The following PROS1 variants were observed in gnomAD, a reference collection of about 807,000 sequenced individuals.
PROS1 encodes protein S.
In PROS1, 29 loss-of-function variants were observed where a neutral mutation model predicts 75.9. The ratio of observed to expected loss-of-function variants is 0.38; its 90% CI spans 0.28 to 0.52. PROS1 has a LOEUF of 0.52. Among genes scored for constraint, PROS1 ranks in the 20% least tolerant of loss-of-function variants. PROS1 has a pLI of 0.83. For synonymous variants in PROS1, 245 were observed against 280.6 expected (o/e 0.87, Z 1.27); for missense variants, 680 against 810.3 (o/e 0.84, Z 1.95).
chr3:93,910,871 T>A (rs1280412696), intron 3 of PROS1, 166 bp from the exon 4 acceptor site: 8 of 638,896 alleles, frequency 1.3e-5, no homozygotes, highest in Non-Finnish European at 2.2e-5. Context: ...TTCTGAAAAA[T>A]TAAAAATCTA....
chr3:93,927,871 A>ATGTGTG (rs1175288524), intron 1 of PROS1, among the ~76,000 whole-genome samples: 4 of 133,134 alleles, frequency 3.0e-5, no homozygotes, highest in African/African-American at 1.2e-4. Context: ...ATATATATAT[A>ATGTGTG]TATGTGTGTA....
chr3:93,961,198 G>A (rs1385861775), intron 1 of PROS1, among the ~76,000 whole-genome samples: 1 of 152,134 alleles, frequency 6.6e-6, no homozygotes. Flanking sequence ...CATGTGAAAA[G>A]GCCATAGGGG....
intron 4 of PROS1, among the ~76,000 whole-genome samples, chr3:93,910,171 G>T (rs1236093086): frequency 6.6e-6 from 1 of 152,044 alleles, no homozygotes; most frequent in Non-Finnish European, 1.5e-5. Flanking sequence ...TTATCATTAG[G>T]CCCCTTGTGA....
chr3:93,936,160 A>G (rs1246925063), intron 1 of PROS1, among the ~76,000 whole-genome samples: 3 of 151,560 alleles, frequency 2.0e-5, no homozygotes, highest in Non-Finnish European at 4.4e-5. Flanking sequence ...ATATTTGGAG[A>G]CAGGTCCTTT....
chr3:93,873,872 A>C lies in PROS1; in HGVS notation c.*373T>G, dbSNP rs1576170261. On this transcript the variant is annotated 3_prime_UTR_variant, in exon 15 of 15. Transcript: ENST00000394236. ...TGCCTATGATTAATAGTATTTAATT[A>C]CACGCACTTTTGTTTGAGTTTACTT... The C allele has an allele frequency of 4.0e-6, 1 of 247,400 alleles. No individual in the cohort carries two copies. Among genetic ancestry groups the C allele is most frequent in the East Asian group, 1.1e-4 (1 of 9,078 alleles). The allele number at this position is 247,400 out of a possible 1,614,324, so 15.3% of individuals were successfully genotyped here. A position where few individuals can be genotyped will look rare whatever the true frequency, so the allele number is the denominator to read the frequency against.
At chr3:93,899,350 C>A (rs1447715340) in intron 7 of PROS1, among the ~76,000 whole-genome samples, 2 of 151,912 alleles carry the variant, frequency 1.3e-5, no homozygotes, top group African/African-American at 4.8e-5. Context: ...TAAAACTCCA[C>A]AAGCTCATAA....
chr3:93,892,481 G>A (rs1402454971), intron 10 of PROS1, among the ~76,000 whole-genome samples: 19 of 151,286 alleles, frequency 1.3e-4, no homozygotes, highest in South Asian at 2.1e-4. Context: ...AAAATTAGCC[G>A]GGCATGGTGG....
In PROS1 at chr3:93,874,050, G is replaced by A; in HGVS notation, c.*195C>T. On this transcript the variant is annotated 3_prime_UTR_variant, in exon 15 of 15. Transcript: ENST00000394236. ...TTTTCACTATTCTTAGATAGCAAGAGAAGTAAGAATTTCTTTACTGTGATT... is the reference window on the plus strand; with the variant it reads ...TTTTCACTATTCTTAGATAGCAAGAAAAGTAAGAATTTCTTTACTGTGATT... 1 of 608,154 alleles carries A rather than the reference G, an allele frequency of 1.6e-6. No individual in the cohort carries two copies. 37.7% of individuals were successfully genotyped at this position (608,154 alleles called of 1,614,324 possible).
At chr3:93,905,021 C>T (rs948902948) in intron 6 of PROS1, among the ~76,000 whole-genome samples, 1 of 151,948 alleles carries the variant, frequency 6.6e-6, no homozygotes, top group Non-Finnish European at 1.5e-5. Context: ...AAATGAGGTG[C>T]CAGATGAAGG....
intron 1 of PROS1, among the ~76,000 whole-genome samples, chr3:93,954,698 A>G (rs1228210606): frequency 6.6e-6 from 1 of 152,242 alleles, no homozygotes; most frequent in Non-Finnish European, 1.5e-5. Flanking sequence ...ACCAAAAGCA[A>G]TGGCAACAAA....
At chr3:93,894,508 T>G (rs1286506283) in intron 9 of PROS1, among the ~76,000 whole-genome samples, 2 of 152,158 alleles carry the variant, frequency 1.3e-5, no homozygotes, top group Non-Finnish European at 2.9e-5. Context: ...CAGCAGTTGA[T>G]TCTATTATGG....
intron 10 of PROS1, 104 bp from the exon 11 acceptor site, chr3:93,886,607 T>C (rs1236847245): frequency 3.1e-5 from 26 of 847,476 alleles, no homozygotes; most frequent in Non-Finnish European, 4.8e-5. Context: ...AATACTTCTG[T>C]AAAGTAATCA....
chr3:93,962,837 T>C (rs1291581418), intron 1 of PROS1, among the ~76,000 whole-genome samples: 1 of 152,222 alleles, frequency 6.6e-6, no homozygotes, highest in Non-Finnish European at 1.5e-5. Context: ...TGAGTGTCCA[T>C]CACTAAGGTA....
At position 93,873,535 on chromosome 3, in the gene PROS1, A is replaced by T. The variant is rs1708139143; in HGVS notation, c.*710T>A. ...TTGTGTGACCCACACAGCAAAATTTAAAAAATGTACCCACTTCAGATTTCC... is the reference window on the plus strand; with the variant it reads ...TTGTGTGACCCACACAGCAAAATTTTAAAAATGTACCCACTTCAGATTTCC... On this transcript the variant is annotated 3_prime_UTR_variant, in exon 15 of 15. Transcript: ENST00000394236. 1 of 152,212 alleles carries T rather than the reference A, an allele frequency of 6.6e-6. No homozygotes were observed. The highest frequency in any genetic ancestry group is 1.5e-5 in the Non-Finnish European group (1 of 68,060). 9.4% of individuals were successfully genotyped at this position (152,212 alleles called of 1,614,324 possible). A position where few individuals can be genotyped will look rare whatever the true frequency, so the allele number is the denominator to read the frequency against.
intron 4 of PROS1, among the ~76,000 whole-genome samples, chr3:93,906,385 C>T (rs370722798): frequency 6.6e-6 from 1 of 152,246 alleles, no homozygotes; most frequent in Admixed American, 6.5e-5. Context: ...GCTGCCAAGA[C>T]GCCAGCTGCA....
Position 93,945,196 on chromosome 3 carries a change from G to C in PROS1, c.77-17789C>G, listed in dbSNP as rs568565008. Among the ~76,000 whole-genome samples, 124 of 152,294 alleles carry C rather than the reference G, an allele frequency of 8.1e-4. No individual in the cohort carries two copies. In the Middle Eastern group the frequency reaches 0.02, roughly 25 times the overall value. On this transcript the variant is annotated intron_variant, in intron 1 of 14. Coordinates refer to ENST00000394236, the MANE Select transcript of PROS1 (RefSeq NM_000313.4). ...ACCAATAAAAAAAAGTCCAGGACCA[G>C]ACGGATTCACAGATGAATTCTACCA...
intron 8 of PROS1, among the ~76,000 whole-genome samples, chr3:93,897,775 G>A (rs768048138): frequency 5.3e-5 from 8 of 151,742 alleles, no homozygotes; most frequent in Non-Finnish European, 1.0e-4. Context: ...AAAGATGCAG[G>A]AAAAAAAGAG....
intron 1 of PROS1, among the ~76,000 whole-genome samples, chr3:93,939,721 T>C (rs1332016964): frequency 6.6e-6 from 1 of 151,982 alleles, no homozygotes; most frequent in East Asian, 1.9e-4. Flanking sequence ...GCCCAGTTTA[T>C]GGCTTGTTTA....
intron 1 of PROS1, among the ~76,000 whole-genome samples, chr3:93,944,700 A>G (rs1281018000): frequency 6.6e-6 from 1 of 152,222 alleles, no homozygotes. Context: ...CACAAGAGAA[A>G]GCAGGAAAGA....
Sources: allele counts gnomAD v4.1 joint callset (sites outside exome capture counted in the v4.1 genomes callset), GRCh38; gene constraint gnomAD v4.1.1; transcripts MANE v1.5; gene names NCBI Gene and HGNC (gene_info 2026-07-23, HGNC 2026-07-21).